Variants in KIF26B observed in about 807,000 individuals in gnomAD.
KIF26B encodes the protein kinesin-like protein KIF26B.
Under a neutral mutation model 151.2 loss-of-function variants are expected in KIF26B, and 63 were observed. The ratio of observed to expected loss-of-function variants is 0.42; its 90% confidence interval spans 0.34 to 0.51. The LOEUF is 0.51. Among genes scored for constraint, KIF26B ranks in the 20% least tolerant of loss-of-function variants. KIF26B has a pLI of 0.07. For synonymous variants in KIF26B, 1,357 were observed against 1,262.1 expected (o/e 1.08, Z -1.59); for missense variants, 2,813 against 2,913.6 (o/e 0.97, Z 0.79).
rs1157785598 is a variant in KIF26B, at chr1:245,227,566, G to T, written c.465+70883G>T. Among the ~76,000 whole-genome samples, 1 of 152,226 alleles carries T rather than the reference G, an allele frequency of 6.6e-6. No homozygotes were observed. Among genetic ancestry groups the T allele is most frequent in the East Asian group, 1.9e-4 (1 of 5,202 alleles). ...TGAGCTTGCTCCCTGCTTTGCTCTGGAGTGTGGAATTTAAAACTTGTAATG... is the reference window on the plus strand; with the variant it reads ...TGAGCTTGCTCCCTGCTTTGCTCTGTAGTGTGGAATTTAAAACTTGTAATG... On this transcript the variant is annotated intron_variant, in intron 2 of 14. Coordinates refer to ENST00000407071, the MANE Select transcript of KIF26B (RefSeq NM_018012.4). This position sits in a 1 kb window ranked among gnomAD's most constrained non-coding sequence, Gnocchi z 4.1.
At chr1:245,338,633 A>G (rs1399131221) in intron 2 of KIF26B, among the ~76,000 whole-genome samples, 1 of 152,222 alleles carries the variant, frequency 6.6e-6, no homozygotes, top group African/African-American at 2.4e-5. Context: ...ACATTCTCAG[A>G]CATAGCTCTA....
chr1:245,173,855 C>T (rs996869561), intron 2 of KIF26B, among the ~76,000 whole-genome samples: 14 of 152,226 alleles, frequency 9.2e-5, no homozygotes, highest in African/African-American at 2.7e-4. Flanking sequence ...CTGCATTTGC[C>T]GTGGTACGAC....
At chr1:245,445,479 C>T (rs1012482503) in intron 4 of KIF26B, among the ~76,000 whole-genome samples, 7 of 152,044 alleles carry the variant, frequency 4.6e-5, no homozygotes, top group African/African-American at 9.7e-5. Flanking sequence ...CGTGCGTGCG[C>T]GTGTGTATGT....
intron 2 of KIF26B, among the ~76,000 whole-genome samples, chr1:245,283,410 G>C (rs1052519562): frequency 5.3e-5 from 8 of 152,192 alleles, no homozygotes; most frequent in African/African-American, 1.9e-4. Context: ...CATTCATGAT[G>C]AGTACCTTTC....
At chr1:245,410,543 A>T (rs1173641) in intron 3 of KIF26B, among the ~76,000 whole-genome samples, 51,970 of 151,960 alleles carry the variant, frequency 0.34, 9,316 homozygotes, top group South Asian at 0.44. Context: ...CCAACCACCC[A>T]AGCTCAAGAG....
chr1:245,466,375 A>G (rs1298291176), intron 4 of KIF26B, among the ~76,000 whole-genome samples: 4 of 152,190 alleles, frequency 2.6e-5, no homozygotes, highest in Non-Finnish European at 5.9e-5. Flanking sequence ...CCAGAAGAAG[A>G]AAGGATCTGG....
intron 10 of KIF26B, among the ~76,000 whole-genome samples, chr1:245,675,385 CA>C (rs1470811369): frequency 6.6e-6 from 1 of 152,216 alleles, no homozygotes; most frequent in African/African-American, 2.4e-5. Flanking sequence ...CCTTCTCTTG[CA>C]ACCAGCTTGG....
At position 245,367,164 on chromosome 1, in the gene KIF26B, A is replaced by C; in HGVS notation, c.796A>C (p.Ser266Arg). 6.2e-7 allele frequency: 1 copy of C among 1,605,804 alleles called. No individual in the cohort carries two copies. The highest frequency in any genetic ancestry group is 2.2e-5 in the East Asian group (1 of 44,510). Reference sequence around the variant, plus strand: ...CACAGGCTTCGCCAACAAGCACGGCAGCAAACCCAGCAGCCTTGGGGTCAG... The same window carrying C: ...CACAGGCTTCGCCAACAAGCACGGCCGCAAACCCAGCAGCCTTGGGGTCAG... ...NYTGFANKHG[S>R]KPSSLGVSNG... The change falls in exon 3 of 15, where the codon AGC (serine) becomes CGC (arginine). Residue 266 changes from serine to arginine, a missense_variant. Physicochemically the swap from Ser to Arg is moderately radical, Grantham distance 110. Coordinates refer to ENST00000407071, the MANE Select transcript of KIF26B (RefSeq NM_018012.4). The surrounding 1 kb of genome is among the most constrained non-coding windows in gnomAD (Gnocchi z 4.2).
intron 10 of KIF26B, among the ~76,000 whole-genome samples, chr1:245,665,778 G>A (rs1400785751): frequency 6.6e-6 from 1 of 151,728 alleles, no homozygotes; most frequent in Admixed American, 6.6e-5. Flanking sequence ...TCCGCTTCCC[G>A]AGTTCAAGTG....
At chr1:245,164,033 C>T (rs1053822047) in intron 2 of KIF26B, among the ~76,000 whole-genome samples, 32 of 152,034 alleles carry the variant, frequency 2.1e-4, no homozygotes, top group African/African-American at 7.0e-4. Flanking sequence ...TACATAATAG[C>T]GATATAGTGG....
At chr1:245,176,161 A>G (rs950456388) in intron 2 of KIF26B, among the ~76,000 whole-genome samples, 4 of 151,780 alleles carry the variant, frequency 2.6e-5, no homozygotes, top group Admixed American at 6.6e-5. Context: ...CACCACGCCC[A>G]GCTAATTTTG....
rs546498893 is a variant in KIF26B, at chr1:245,252,181, T to C, written c.465+95498T>C. Among the ~76,000 whole-genome samples the C allele has an allele frequency of 1.2e-4, 18 of 148,616 alleles. No individual in the cohort carries two copies. The South Asian group carries it at 3.6e-3, about 30-fold the overall frequency. ...GTCCCAGCTACTAGGGAGGCTGAGG[T>C]GGGAGAATCACCTGAGCCCAGGAGT... On this transcript the variant is annotated intron_variant, in intron 2 of 14. Coordinates refer to ENST00000407071, the MANE Select transcript of KIF26B (RefSeq NM_018012.4).
chr1:245,296,167 C>T (rs937748182), intron 2 of KIF26B, among the ~76,000 whole-genome samples: 2 of 121,496 alleles, frequency 1.6e-5, no homozygotes, highest in South Asian at 2.8e-4. Context: ...CAACCTTTCA[C>T]GTTTTGTCTT....
At chr1:245,619,981 A>G (rs759103198) in intron 9 of KIF26B, among the ~76,000 whole-genome samples, 2 of 151,924 alleles carry the variant, frequency 1.3e-5, no homozygotes, top group Non-Finnish European at 2.9e-5. Context: ...TGATTCGGGA[A>G]GAGTAAGACC....
intron 3 of KIF26B, among the ~76,000 whole-genome samples, chr1:245,413,757 G>A (rs1674348859): frequency 6.6e-6 from 1 of 152,358 alleles, no homozygotes; most frequent in Non-Finnish European, 1.5e-5. Context: ...ATAGTGGACT[G>A]CAGGGAGGGG....
At position 245,516,538 on chromosome 1, in the gene KIF26B, G is replaced by T. The variant is rs554433235; in HGVS notation, c.1167-24229G>T. Among the ~76,000 whole-genome samples, 1 of 152,102 alleles carries T rather than the reference G, an allele frequency of 6.6e-6. No individual in the cohort carries two copies. The highest frequency in any genetic ancestry group is 1.5e-5 in the Non-Finnish European group (1 of 68,030). On this transcript the variant is annotated intron_variant, in intron 4 of 14. Transcript: ENST00000407071. This position sits in a 1 kb window ranked among gnomAD's most constrained non-coding sequence, Gnocchi z 4.2. ...TGTGGGTCTATTATTCGCCTCTTCA[G>T]ATCCAGCCCAGGAGTTGGTGCAGAC...
At chr1:245,165,352 G>T (rs2103519473) in intron 2 of KIF26B, among the ~76,000 whole-genome samples, 1 of 152,306 alleles carries the variant, frequency 6.6e-6, no homozygotes, top group African/African-American at 2.4e-5. Flanking sequence ...GGTGCTGCCA[G>T]TTATGGAGAT....
intron 2 of KIF26B, among the ~76,000 whole-genome samples, chr1:245,347,697 A>G (rs1404637535): frequency 6.6e-6 from 1 of 152,160 alleles, no homozygotes; most frequent in East Asian, 1.9e-4. Flanking sequence ...TCTCATCTCT[A>G]TCCTCTCTTG....
chr1:245,436,176 CAA>C (rs1190717376), intron 4 of KIF26B, among the ~76,000 whole-genome samples: 25 of 107,474 alleles, frequency 2.3e-4, no homozygotes, highest in African/African-American at 1.3e-4. Flanking sequence ...GACTCTGTCT[CAA>C]AAAAAAAAAA....
Sources: gnomAD v4.1 joint callset for allele counts (sites outside exome capture counted in the v4.1 genomes callset) on GRCh38, gnomAD v4.1.1 for gene constraint, Gnocchi (gnomAD v3.1) non-coding constraint, MANE v1.5 for transcripts, NCBI Gene and HGNC (gene_info 2026-07-23, HGNC 2026-07-21) for gene names.